The following UGT1A10 variants were observed in gnomAD, a reference collection of about 807,000 sequenced individuals.
UGT1A10 encodes UDP-glucuronosyltransferase 1A10.
In UGT1A10, 49 loss-of-function variants were observed where a neutral mutation model predicts 45.8. The observed-to-expected ratio is 1.07, with a 90% CI of 0.85 to 1.36. The LOEUF (loss-of-function observed/expected upper bound fraction) is 1.36, where lower values mean the gene tolerates loss of function less well. Ranked by LOEUF, UGT1A10 falls within the 40% of genes most tolerant of loss-of-function variation. The pLI is 0.00. For synonymous variants in UGT1A10, 284 were observed against 249.7 expected (o/e 1.14, Z -1.29); for missense variants, 745 against 668.6 (o/e 1.11, Z -1.26).
chr2:233,698,878 C>T (rs958200005), intron 1 of UGT1A10, among the ~76,000 whole-genome samples: 1 of 152,216 alleles, frequency 6.6e-6, no homozygotes, highest in Non-Finnish European at 1.5e-5. Flanking sequence ...GCGACTTTGA[C>T]CAAAGCCTTA....
intron 1 of UGT1A10, among the ~76,000 whole-genome samples, chr2:233,655,788 G>A (rs2073841847): frequency 6.6e-6 from 1 of 152,134 alleles, no homozygotes; most frequent in South Asian, 2.1e-4. Flanking sequence ...GCTAAGTGGG[G>A]TTGGCTTTGA....
intron 1 of UGT1A10, chr2:233,729,803 C>G (rs771141060): frequency 8.1e-6 from 13 of 1,613,810 alleles, no homozygotes; most frequent in Admixed American, 3.3e-5. Context: ...ATTTGCCATG[C>G]TTTTTCTGCT....
At chr2:233,697,683 TC>T (rs1346047688) in intron 1 of UGT1A10, among the ~76,000 whole-genome samples, 1 of 152,134 alleles carries the variant, frequency 6.6e-6, no homozygotes. Context: ...TCAAAATATT[TC>T]TGCTTTTTGG....
chr2:233,641,716 C>T lies in UGT1A10; in HGVS notation c.855+4339C>T, dbSNP rs557775735. ...GTCTGGAATTGATAAAATTCCTCAA[C>T]TTTTGTCTTGGAAAGTCTTTATTTC... On this transcript the variant is annotated intron_variant, in intron 1 of 4. Coordinates refer to ENST00000344644, the MANE Select transcript of UGT1A10 (RefSeq NM_019075.4). Among the ~76,000 whole-genome samples, 4 of 152,272 alleles carry T rather than the reference C, an allele frequency of 2.6e-5. No homozygotes were observed. The South Asian group carries it at 8.3e-4, about 32-fold the overall frequency.
At chr2:233,711,551 A>G (rs1403446059) in intron 1 of UGT1A10, among the ~76,000 whole-genome samples, 2 of 152,184 alleles carry the variant, frequency 1.3e-5, no homozygotes, top group African/African-American at 2.4e-5. Context: ...CCTCCCCTGG[A>G]GAGTTCCCAA....
chr2:233,738,550 A>G (rs1046913634), intron 1 of UGT1A10, among the ~76,000 whole-genome samples: 1 of 152,224 alleles, frequency 6.6e-6, no homozygotes, highest in African/African-American at 2.4e-5. Flanking sequence ...AGTCTCAGAT[A>G]GAGATGAGGA....
At chr2:233,696,082 G>A (rs1487950233) in intron 1 of UGT1A10, among the ~76,000 whole-genome samples, 3 of 152,080 alleles carry the variant, frequency 2.0e-5, no homozygotes, top group Admixed American at 2.0e-4. Flanking sequence ...AGAACAGTAT[G>A]GAGAGTCTTC....
intron 1 of UGT1A10, chr2:233,672,021 G>A: frequency 6.2e-7 from 1 of 1,614,142 alleles, no homozygotes; most frequent in Non-Finnish European, 8.5e-7. Flanking sequence ...GGAAGCTACT[G>A]GTAGTGCCCA....
At chr2:233,650,709 C>T (rs1300840206) in intron 1 of UGT1A10, among the ~76,000 whole-genome samples, 1 of 152,060 alleles carries the variant, frequency 6.6e-6, no homozygotes, top group Non-Finnish European at 1.5e-5. Context: ...CTGCAGAATT[C>T]ATGTTGTTTT....
At chr2:233,691,234 C>T in intron 1 of UGT1A10, 2 of 985,538 alleles carry the variant, frequency 2.0e-6, no homozygotes, top group Non-Finnish European at 2.4e-6. Flanking sequence ...AGTCTTATTG[C>T]TATCTAGATG....
At chr2:233,654,715 G>T (rs531132636) in intron 1 of UGT1A10, among the ~76,000 whole-genome samples, 2 of 152,328 alleles carry the variant, frequency 1.3e-5, no homozygotes, top group African/African-American at 4.8e-5. Flanking sequence ...TGCTGAGGTG[G>T]TTAGGTAACA....
chr2:233,747,267 C>T (rs1178293466), intron 1 of UGT1A10: 115 of 1,599,414 alleles, frequency 7.2e-5, no homozygotes, highest in Non-Finnish European at 9.0e-5. Flanking sequence ...GAGTGCTACT[C>T]CTTCTCAGTG....
intron 1 of UGT1A10, among the ~76,000 whole-genome samples, chr2:233,710,212 T>C (rs942743285): frequency 6.6e-6 from 1 of 152,260 alleles, no homozygotes; most frequent in African/African-American, 2.4e-5. Flanking sequence ...TTGGCTATTA[T>C]GAATAAAGCT....
chr2:233,697,399 A>G (rs890577851), intron 1 of UGT1A10, among the ~76,000 whole-genome samples: 10 of 151,506 alleles, frequency 6.6e-5, no homozygotes, highest in African/African-American at 2.4e-4. Flanking sequence ...GATCCTTTGT[A>G]TTTCTGTGGT....
intron 1 of UGT1A10, among the ~76,000 whole-genome samples, chr2:233,712,746 C>A (rs563563892): frequency 0.011 from 1,329 of 123,370 alleles, 32 homozygotes; most frequent in African/African-American, 0.037. Context: ...CTTGGATGTT[C>A]CCCAGAGCGA....
Position 233,713,202 on chromosome 2 carries a change from G to T in UGT1A10, c.856-53832G>T, listed in dbSNP as rs181492639. ...CCTGGAGGTGAATATGTACATCAAA[G>T]AAGAGAACTTTTTCACCCTGACAAC... On this transcript the variant is annotated intron_variant, in intron 1 of 4. Coordinates refer to ENST00000344644, the MANE Select transcript of UGT1A10 (RefSeq NM_019075.4). The T allele has an allele frequency of 1.5e-4, 250 of 1,614,240 alleles. 3 individuals carry two copies. The East Asian group carries it at 4.8e-3, about 31-fold the overall frequency.
chr2:233,680,858 T>C (rs10199293), intron 1 of UGT1A10, among the ~76,000 whole-genome samples: 97,722 of 151,792 alleles, frequency 0.64, 31,915 homozygotes, highest in African/African-American at 0.72. Context: ...GACAGCTCAT[T>C]AGAGTGCTTG....
intron 1 of UGT1A10, among the ~76,000 whole-genome samples, chr2:233,746,102 A>G (rs1005721725): frequency 1.5e-4 from 23 of 151,842 alleles, no homozygotes; most frequent in African/African-American, 5.4e-4. Flanking sequence ...ACATGTCCAG[A>G]GTGCTTACTG....
rs17862868 is a variant in UGT1A10 at position 233,713,736 on chromosome 2, G to C, written c.856-53298G>C. 0.091 allele frequency: 144,308 copies of C among 1,587,106 alleles called. 8,660 individuals carry two copies. The highest frequency in any genetic ancestry group is 0.18 in the South Asian group (15,774 of 87,104). On this transcript the variant is annotated intron_variant, in intron 1 of 4. Coordinates refer to ENST00000344644, the MANE Select transcript of UGT1A10 (RefSeq NM_019075.4). ...GAGAGAGGTGTCAGTGGTGGATCTT[G>C]TCAGCCATGCATCTGTGTGGCTGTT... is the stretch of plus-strand genomic sequence containing the variant.
Sources: allele counts gnomAD v4.1 joint callset (sites outside exome capture counted in the v4.1 genomes callset), GRCh38; gene constraint gnomAD v4.1.1; transcripts MANE v1.5; gene names NCBI Gene and HGNC (gene_info 2026-07-23, HGNC 2026-07-21).